Variants in GRAMD2B observed in about 807,000 individuals in gnomAD.
The protein encoded by GRAMD2B is GRAM domain-containing protein 2B.
A neutral mutation model predicts 59.2 loss-of-function variants in GRAMD2B; 41 were observed. The observed-to-expected ratio is 0.69, with a 90% CI of 0.54 to 0.90. The LOEUF (loss-of-function observed/expected upper bound fraction) is 0.90, where lower values mean the gene tolerates loss of function less well. GRAMD2B is among the 40% of genes least tolerant of loss of function. The pLI is 0.00. For missense variants in GRAMD2B, 424 were observed against 500.5 expected, an observed-to-expected ratio of 0.85 and a Z score of 1.46; for synonymous variants, 161 against 182.7, an observed-to-expected ratio of 0.88 and a Z score of 0.96.
chr5:126,420,883 C>A (rs956786953), upstream of GRAMD2B, among the ~76,000 whole-genome samples: 1 of 151,944 alleles, frequency 6.6e-6, no homozygotes, highest in African/African-American at 2.4e-5. Context: ...TATATACATG[C>A]AATGGAATAT....
chr5:126,449,045 A>T (rs1302006770), intron 1 of GRAMD2B, among the ~76,000 whole-genome samples: 1 of 152,226 alleles, frequency 6.6e-6, no homozygotes, highest in Non-Finnish European at 1.5e-5. Flanking sequence ...GGAAGAGGGA[A>T]GAGGCAGAGA....
intron 1 of GRAMD2B, among the ~76,000 whole-genome samples, chr5:126,430,404 TAATTCC>T (rs1425263944): frequency 6.6e-6 from 1 of 152,200 alleles, no homozygotes; most frequent in African/African-American, 2.4e-5. Flanking sequence ...TTTCCAGGTG[TAATTCC>T]ATGACTCTTA....
At chr5:126,419,211 G>A (rs949272664), upstream of GRAMD2B, among the ~76,000 whole-genome samples, 4 of 152,114 alleles carry the variant, frequency 2.6e-5, no homozygotes, top group Admixed American at 2.6e-4. Context: ...TGGTTCTGTG[G>A]GCAGTGCAGA....
At position 126,360,546 on chromosome 5, in the gene GRAMD2B, GAC is replaced by G. The variant is rs1375954087; in HGVS notation, c.128+89_128+90del. ...TAAAAGGCCTTTTTGGTATCTTAAG[GAC>G]AGAGTGTCTCCACATGGAGAATGTC... On this transcript the variant is annotated intron_variant, in intron 1 of 13. Coordinates refer to the GRAMD2B transcript ENST00000513040. 5 of 1,294,970 alleles carry G rather than the reference GAC, an allele frequency of 3.9e-6. No homozygotes were observed. The African/African-American group carries it at 7.5e-5, about 19-fold the overall frequency. 80.2% of individuals were successfully genotyped at this position (1,294,970 alleles called of 1,614,324 possible). A position where few individuals can be genotyped will look rare whatever the true frequency, so the allele number is the denominator to read the frequency against.
exon 1 of GRAMD2B, chr5:126,360,300 G>C (rs1217882797): frequency 6.5e-7 from 1 of 1,549,982 alleles, no homozygotes; most frequent in African/African-American, 1.4e-5. Flanking sequence ...ACATTTCCCA[G>C]AGTTTCTTGA....
Position 126,440,574 on chromosome 5 carries a change from G to A in GRAMD2B, c.83+16885G>A, listed in dbSNP as rs76023294. Among the ~76,000 whole-genome samples the A allele has an allele frequency of 7.8e-3, 1,186 of 151,994 alleles. 22 individuals carry two copies. Among genetic ancestry groups the A allele is most frequent in the African/African-American group, 0.027 (1,129 of 41,424 alleles). ...TAGAGCTGGAAATCTACTCCATTTC[G>A]TAATTAAAATAAGCCCCTGATCAAT... On this transcript the variant is annotated intron_variant, in intron 1 of 13. Transcript: ENST00000285689.
rs1360313250 is a variant in GRAMD2B, at chr5:126,380,665, G to A, written c.125+9098G>A. Reference sequence around the variant, plus strand: ...GTATTTTATTTGTTTTGCAGCTATTGTAAAAGGGGTTGAGTTATTGATGTG... The same window carrying A: ...GTATTTTATTTGTTTTGCAGCTATTATAAAAGGGGTTGAGTTATTGATGTG... On this transcript the variant is annotated intron_variant, in intron 1 of 8. Transcript: ENST00000506445. Among the ~76,000 whole-genome samples the A allele has an allele frequency of 2.0e-5, 3 of 152,080 alleles. 1 individual carries two copies. The highest frequency in any genetic ancestry group is 4.4e-5 in the Non-Finnish European group (3 of 67,986).
At chr5:126,481,357 T>A (rs1205904197) in intron 8 of GRAMD2B, among the ~76,000 whole-genome samples, 3 of 152,176 alleles carry the variant, frequency 2.0e-5, no homozygotes, top group African/African-American at 4.8e-5. Flanking sequence ...TAGCTCCCTC[T>A]GTGTAAGATT....
chr5:126,464,861 T>C, intron 1 of GRAMD2B, among the ~76,000 whole-genome samples: 1 of 152,168 alleles, frequency 6.6e-6, no homozygotes, highest in East Asian at 1.9e-4. Flanking sequence ...CTCTCTGAAC[T>C]TAGGCAAGAT....
At chr5:126,473,156 G>C (rs1165119127) in intron 4 of GRAMD2B, 109 bp from the exon 5 acceptor site, 1 of 420,800 alleles carries the variant, frequency 2.4e-6, no homozygotes, top group Non-Finnish European at 4.4e-6. Flanking sequence ...TAAAACTTTT[G>C]AGTGTGAATG....
At chr5:126,399,395 A>G (rs549091468) in intron 1 of GRAMD2B, among the ~76,000 whole-genome samples, 47 of 152,204 alleles carry the variant, frequency 3.1e-4, no homozygotes, top group Non-Finnish European at 5.1e-4. Context: ...TGGATCATGG[A>G]GGCAGTTTCC....
At chr5:126,391,748 G>C (rs1488706754) in intron 1 of GRAMD2B, among the ~76,000 whole-genome samples, 1 of 152,214 alleles carries the variant, frequency 6.6e-6, no homozygotes, top group Non-Finnish European at 1.5e-5. Context: ...GGACTGCAGG[G>C]AAGGAATGAT....
Position 126,493,232 on chromosome 5 carries a change from G to A in GRAMD2B, c.*276G>A, listed in dbSNP as rs537261049. On this transcript the variant is annotated 3_prime_UTR_variant, in exon 14 of 14. Coordinates refer to ENST00000285689, the MANE Select transcript of GRAMD2B (RefSeq NM_023927.4). ...CTGGAGGTCTCAGGAAGGGCCCAGCGAACACACTCTCTTGGATAATTACCA... is the reference window on the plus strand; with the variant it reads ...CTGGAGGTCTCAGGAAGGGCCCAGCAAACACACTCTCTTGGATAATTACCA... The A allele has an allele frequency of 1.3e-4, 59 of 450,164 alleles. No homozygotes were observed. The highest frequency in any genetic ancestry group is 2.2e-4 in the African/African-American group (11 of 50,954). The allele number at this position is 450,164 out of a possible 1,614,324, so 27.9% of individuals were successfully genotyped here.
rs4358517 is a variant in GRAMD2B, at chr5:126,493,111, A to G, written c.*155A>G. 480,292 of 598,070 alleles carry G rather than the reference A, an allele frequency of 0.8. 194,084 individuals are homozygous for G. Among genetic ancestry groups the G allele is most frequent in the East Asian group, 0.93 (33,458 of 35,854 alleles). 37.0% of individuals were successfully genotyped at this position (598,070 alleles called of 1,614,324 possible). Reference sequence around the variant, plus strand: ...TGGAGGTCTCCAGCTCAGGAAAGTGAGGAGGGAAATAATTTTGGTTCTTGT... The same window carrying G: ...TGGAGGTCTCCAGCTCAGGAAAGTGGGGAGGGAAATAATTTTGGTTCTTGT... On this transcript the variant is annotated 3_prime_UTR_variant, in exon 14 of 14. Coordinates refer to ENST00000285689, the MANE Select transcript of GRAMD2B (RefSeq NM_023927.4).
At chr5:126,370,234 A>G (rs1414576170), upstream of GRAMD2B, among the ~76,000 whole-genome samples, 7 of 152,226 alleles carry the variant, frequency 4.6e-5, no homozygotes. Flanking sequence ...GACTCACTTC[A>G]AAAGTGTTCT....
At chr5:126,374,428 CTTT>C (rs1755017198) in intron 1 of GRAMD2B, among the ~76,000 whole-genome samples, 1 of 151,996 alleles carries the variant, frequency 6.6e-6, no homozygotes, top group Non-Finnish European at 1.5e-5. Context: ...TCGTTTTCTT[CTTT>C]TGAGATAGTT....
intron 1 of GRAMD2B, among the ~76,000 whole-genome samples, chr5:126,413,059 T>C (rs1428247092): frequency 6.6e-6 from 1 of 152,098 alleles, no homozygotes; most frequent in African/African-American, 2.4e-5. Flanking sequence ...AAAAGCCAAC[T>C]TTTGGTTTCA....
chr5:126,451,797 C>T (rs911686665), intron 1 of GRAMD2B, among the ~76,000 whole-genome samples: 8 of 152,116 alleles, frequency 5.3e-5, no homozygotes, highest in Admixed American at 4.6e-4. Context: ...ATGATTGGAT[C>T]GCAGCAGTGG....
chr5:126,430,689 G>GA (rs925666649), intron 1 of GRAMD2B, among the ~76,000 whole-genome samples: 1 of 151,720 alleles, frequency 6.6e-6, no homozygotes, highest in Non-Finnish European at 1.5e-5. Flanking sequence ...CTTTTCACAA[G>GA]AAAAAAAGAA....
Sources: allele counts gnomAD v4.1 joint callset (sites outside exome capture counted in the v4.1 genomes callset), GRCh38; gene constraint gnomAD v4.1.1; transcripts MANE v1.5; gene names NCBI Gene and HGNC (gene_info 2026-07-23, HGNC 2026-07-21).